ZNF383: variants seen among roughly 807,000 people sequenced by gnomAD.
ZNF383 encodes the protein zinc finger protein 383.
A neutral mutation model predicts 44.2 loss-of-function variants in ZNF383; 32 were observed. That is an observed-to-expected ratio of 0.72 (90% CI 0.55 to 0.97). The LOEUF (loss-of-function observed/expected upper bound fraction) is 0.97, where lower values mean the gene tolerates loss of function less well. Among genes scored for constraint, ZNF383 ranks in the 50% least tolerant of loss-of-function variants. The pLI is 0.00. For missense variants in ZNF383, 487 were observed against 562.5 expected (o/e 0.87, Z 1.36); for synonymous variants, 155 against 186.2 (o/e 0.83, Z 1.36).
intron 1 of ZNF383, among the ~76,000 whole-genome samples, chr19:37,220,555 A>C (rs1972870702): frequency 8.1e-6 from 1 of 123,924 alleles, no homozygotes. Flanking sequence ...CCTGGCCTAT[A>C]TTTGTTTTTT....
At chr19:37,239,865 T>C (rs993031663) in intron 5 of ZNF383, among the ~76,000 whole-genome samples, 2 of 151,934 alleles carry the variant, frequency 1.3e-5, no homozygotes, top group Admixed American at 1.3e-4. Flanking sequence ...TAGATGAAAG[T>C]TACTGCAAGA....
intron 3 of ZNF383, among the ~76,000 whole-genome samples, chr19:37,234,542 A>G (rs1055234814): frequency 3.3e-5 from 5 of 152,026 alleles, no homozygotes; most frequent in Non-Finnish European, 5.9e-5. Flanking sequence ...GGCGCCCGCC[A>G]CCACGCCTGG....
chr19:37,233,862 T>A (rs1599793997), intron 3 of ZNF383, among the ~76,000 whole-genome samples: 1 of 152,012 alleles, frequency 6.6e-6, no homozygotes, highest in Admixed American at 6.6e-5. Flanking sequence ...TTTTTTAAAA[T>A]TTTATTTATT....
intron 5 of ZNF383, among the ~76,000 whole-genome samples, chr19:37,240,930 C>T (rs531252349): frequency 6.6e-5 from 10 of 152,266 alleles, no homozygotes; most frequent in Non-Finnish European, 1.0e-4. Flanking sequence ...CCTCAGCCTC[C>T]GGAGTAGCTG....
chr19:37,240,708 T>C (rs921396238), intron 5 of ZNF383, among the ~76,000 whole-genome samples: 9 of 152,168 alleles, frequency 5.9e-5, no homozygotes, highest in African/African-American at 2.2e-4. Context: ...TAATTCTGAG[T>C]TTTCCTATCT....
intron 5 of ZNF383, among the ~76,000 whole-genome samples, chr19:37,236,955 AC>A (rs1973836037): frequency 1.9e-4 from 1 of 5,156 alleles, no homozygotes; most frequent in Non-Finnish European, 3.9e-4. Flanking sequence ...ACACATGTGA[AC>A]ACACACACAC....
intron 3 of ZNF383, among the ~76,000 whole-genome samples, chr19:37,232,923 T>C (rs531627228): frequency 6.6e-6 from 1 of 152,184 alleles, no homozygotes; most frequent in Non-Finnish European, 1.5e-5. Context: ...ACACGTATTA[T>C]TCTCTTTTAT....
intron 3 of ZNF383, among the ~76,000 whole-genome samples, chr19:37,232,019 A>G (rs1973509968): frequency 1.3e-5 from 2 of 152,172 alleles, no homozygotes; most frequent in African/African-American, 4.8e-5. Context: ...ATTATTGACA[A>G]AACTAATTAG....
chr19:37,243,705 C>A lies in ZNF383; in HGVS notation c.*41C>A. The A allele has an allele frequency of 7.3e-7, 1 of 1,361,582 alleles. No individual in the cohort carries two copies. The highest frequency in any genetic ancestry group is 1.6e-5 in the South Asian group (1 of 61,512). The allele number at this position is 1,361,582 out of a possible 1,614,324, so 84.3% of individuals were successfully genotyped here. ...CTGTCACCTTCCTCATATTTTAAAC[C>A]AAAAATCATGTCTAATAGTTACCCT... On this transcript the variant is annotated 3_prime_UTR_variant, in exon 6 of 6. Transcript: ENST00000684119.
At chr19:37,241,097 A>G (rs374919593) in intron 5 of ZNF383, among the ~76,000 whole-genome samples, 155 of 152,246 alleles carry the variant, frequency 1.0e-3, no homozygotes, top group African/African-American at 3.4e-3. Context: ...GTGAGCCACC[A>G]TGCCCAGCCA....
intron 5 of ZNF383, among the ~76,000 whole-genome samples, chr19:37,237,936 C>T (rs1480274169): frequency 6.6e-6 from 1 of 151,686 alleles, no homozygotes; most frequent in South Asian, 2.1e-4. Context: ...AATCATGGCT[C>T]ACCACAGCCT....
intron 5 of ZNF383, 89 bp downstream of exon 5, chr19:37,236,163 C>A: frequency 1.1e-6 from 1 of 901,942 alleles, no homozygotes; most frequent in Non-Finnish European, 1.7e-6. Context: ...AGATGTTATC[C>A]CTGAAGCTCC....
At chr19:37,223,816 G>A (rs754259083) in intron 1 of ZNF383, among the ~76,000 whole-genome samples, 5 of 152,024 alleles carry the variant, frequency 3.3e-5, no homozygotes, top group African/African-American at 4.8e-5. Context: ...GGTGGATCAC[G>A]AGGTCAGGAG....
intron 5 of ZNF383, among the ~76,000 whole-genome samples, chr19:37,239,709 G>C (rs1200369784): frequency 6.6e-6 from 1 of 152,164 alleles, no homozygotes; most frequent in Non-Finnish European, 1.5e-5. Flanking sequence ...TCCCTGAATA[G>C]ATTAAAGGGT....
At chr19:37,238,811 ATAT>A (rs1486255048) in intron 5 of ZNF383, among the ~76,000 whole-genome samples, 1 of 152,188 alleles carries the variant, frequency 6.6e-6, no homozygotes, top group African/African-American at 2.4e-5. Flanking sequence ...TAGCAGAGTG[ATAT>A]TATCATGTTT....
In ZNF383 at chr19:37,248,120, G is replaced by A. The variant is rs1267891659; in HGVS notation, c.*4456G>A. 6.6e-6 allele frequency: 1 copy of A among 152,144 alleles called. No homozygotes were observed. The highest frequency in any genetic ancestry group is 6.5e-5 in the Admixed American group (1 of 15,276). 9.4% of individuals were successfully genotyped at this position (152,144 alleles called of 1,614,324 possible). On this transcript the variant is annotated 3_prime_UTR_variant, in exon 6 of 6. Transcript: ENST00000684119. Reference sequence around the variant, plus strand: ...CATTGCACTCCAGCCTGGGCAACAAGAGTGAAACTCTCTCAAAAATAAATA... The same window carrying A: ...CATTGCACTCCAGCCTGGGCAACAAAAGTGAAACTCTCTCAAAAATAAATA...
At chr19:37,226,899 A>G (rs776116209) in intron 2 of ZNF383, among the ~76,000 whole-genome samples, 1 of 151,924 alleles carries the variant, frequency 6.6e-6, no homozygotes, top group South Asian at 2.1e-4. Flanking sequence ...GCTCACTGCA[A>G]CCTCCGCCTC....
At chr19:37,241,675 A>T (rs1350652142) in intron 5 of ZNF383, among the ~76,000 whole-genome samples, 1 of 151,874 alleles carries the variant, frequency 6.6e-6, no homozygotes, top group African/African-American at 2.4e-5. Flanking sequence ...TGGTAATCAG[A>T]CCCCACCCTG....
rs781708957 is a variant in ZNF383 at position 37,242,953 on chromosome 19, A to T, written c.717A>T (p.Ser239=). ...GTGGAAAGGCCTTCAGTTGTAGCTC[A>T]TACCTTTCTCAACATCAGAGAATCC... ...KECGKAFSCS[S]YLSQHQRIHT... is the part of the protein sequence containing the mutation. Residue 239 remains serine, a synonymous_variant, in exon 6 of 6, where the codon TCA becomes TCT. Transcript: ENST00000684119. 15 of 1,614,110 alleles carry T rather than the reference A, an allele frequency of 9.3e-6. No homozygotes were observed. Among genetic ancestry groups the T allele is most frequent in the Non-Finnish European group, 1.3e-5 (15 of 1,179,956 alleles).
Sources: gnomAD v4.1 joint callset for allele counts (sites outside exome capture counted in the v4.1 genomes callset) on GRCh38, gnomAD v4.1.1 for gene constraint, MANE v1.5 for transcripts, NCBI Gene and HGNC (gene_info 2026-07-23, HGNC 2026-07-21) for gene names.